The following ARHGEF4 variants were observed in gnomAD, a reference collection of about 807,000 sequenced individuals.
ARHGEF4 encodes the protein APC-stimulated guanine nucleotide exchange factor 1.
Under a neutral mutation model 162.0 loss-of-function variants are expected in ARHGEF4, and 119 were observed. The observed-to-expected ratio is 0.73, with a 90% CI of 0.63 to 0.86. The LOEUF is 0.86. Among genes scored for constraint, ARHGEF4 ranks in the 40% least tolerant of loss-of-function variants. ARHGEF4 has a pLI of 0.00. For missense variants in ARHGEF4, 2,488 were observed against 2,456.0 expected (o/e 1.01, Z -0.28); for synonymous variants, 1,014 against 979.9 (o/e 1.03, Z -0.65).
At chr2:130,869,208 G>A (rs1682510786) in intron 1 of ARHGEF4, among the ~76,000 whole-genome samples, 1 of 152,234 alleles carries the variant, frequency 6.6e-6, no homozygotes, top group Non-Finnish European at 1.5e-5. Context: ...CACAGAGAGA[G>A]TAGGAGGAGT....
intron 1 of ARHGEF4, among the ~76,000 whole-genome samples, chr2:130,884,261 C>T (rs907390556): frequency 6.6e-6 from 1 of 151,850 alleles, no homozygotes; most frequent in African/African-American, 2.4e-5. Context: ...CATGCACACA[C>T]ACGTGCACAC....
intron 4 of ARHGEF4, among the ~76,000 whole-genome samples, chr2:130,955,049 C>G (rs1297320549): frequency 6.6e-6 from 1 of 152,062 alleles, no homozygotes; most frequent in Non-Finnish European, 1.5e-5. Context: ...TTTCTTCCAT[C>G]TATTCAAACC....
intron 2 of ARHGEF4, chr2:130,929,617 C>T (rs1682501233): frequency 6.6e-6 from 1 of 152,156 alleles, no homozygotes; most frequent in Non-Finnish European, 1.5e-5. Flanking sequence ...TACTTACCTA[C>T]AAAATAAGCA....
At chr2:130,988,891 T>TAGAG (rs1480358392) in intron 4 of ARHGEF4, among the ~76,000 whole-genome samples, 194 of 116,192 alleles carry the variant, frequency 1.7e-3, no homozygotes, top group Non-Finnish European at 2.2e-3. Flanking sequence ...TATATATATA[T>TAGAG]ATATATATAT....
chr2:130,949,077 G>C (rs955399713), intron 4 of ARHGEF4, among the ~76,000 whole-genome samples: 3 of 152,048 alleles, frequency 2.0e-5, no homozygotes, highest in Non-Finnish European at 4.4e-5. Flanking sequence ...GCCCAGTTCT[G>C]GGAGAATTTC....
intron 5 of ARHGEF4, among the ~76,000 whole-genome samples, chr2:131,029,537 T>C (rs1689696931): frequency 7.5e-6 from 1 of 134,222 alleles, no homozygotes; most frequent in African/African-American, 2.6e-5. Flanking sequence ...TCACAAGGAA[T>C]GGTTGTGCTT....
chr2:131,041,741 T>TG, intron 9 of ARHGEF4, 74 bp from the exon 10 acceptor site: 1 of 1,558,452 alleles, frequency 6.4e-7, no homozygotes, highest in South Asian at 1.2e-5. Context: ...GCTCCACACG[T>TG]GGGGGCTGCA....
intron 13 of ARHGEF4, chr2:131,045,696 G>GT (rs1348574034): frequency 6.9e-7 from 1 of 1,456,804 alleles, no homozygotes; most frequent in Non-Finnish European, 9.1e-7. Context: ...GACAATGCTT[G>GT]TTTCCCCAGG....
intron 4 of ARHGEF4, among the ~76,000 whole-genome samples, chr2:130,954,122 T>G (rs1684124090): frequency 1.3e-5 from 2 of 152,238 alleles, no homozygotes; most frequent in Non-Finnish European, 2.9e-5. Flanking sequence ...ATTGCAGCAC[T>G]GTTCACAATA....
chr2:131,011,084 C>A (rs896896024), intron 4 of ARHGEF4, among the ~76,000 whole-genome samples: 2 of 152,174 alleles, frequency 1.3e-5, no homozygotes, highest in Non-Finnish European at 2.9e-5. Context: ...GCTGGTAAAG[C>A]CTTTCCACAC....
chr2:131,041,752 G>C, intron 9 of ARHGEF4, 63 bp from the exon 10 acceptor site: 2 of 1,580,166 alleles, frequency 1.3e-6, no homozygotes, highest in South Asian at 2.3e-5. Context: ...GGGGGCTGCA[G>C]GGGATCCTCA....
At chr2:130,864,599 C>T (rs1485813332) in intron 1 of ARHGEF4, among the ~76,000 whole-genome samples, 1 of 152,172 alleles carries the variant, frequency 6.6e-6, no homozygotes, top group Non-Finnish European at 1.5e-5. Context: ...TGGTGCACCC[C>T]TGTAATCTCA....
chr2:131,025,255 G>T (rs570382321), intron 4 of ARHGEF4, among the ~76,000 whole-genome samples: 1 of 152,118 alleles, frequency 6.6e-6, no homozygotes, highest in African/African-American at 2.4e-5. Flanking sequence ...GGGAAGTGCT[G>T]CATACTTTTA....
chr2:130,946,087 G>A (rs939708408), intron 3 of ARHGEF4, among the ~76,000 whole-genome samples: 4 of 152,220 alleles, frequency 2.6e-5, no homozygotes, highest in East Asian at 1.9e-4. Context: ...ACTGTCTGAA[G>A]GGCAGTGTCT....
intron 2 of ARHGEF4, among the ~76,000 whole-genome samples, chr2:130,918,162 T>A (rs374682897): frequency 1.3e-5 from 2 of 152,330 alleles, no homozygotes; most frequent in East Asian, 3.9e-4. Context: ...AAAAAATTCC[T>A]CATGTTGTCT....
intron 1 of ARHGEF4, among the ~76,000 whole-genome samples, chr2:130,905,924 G>A (rs1408715312): frequency 6.6e-6 from 1 of 152,114 alleles, no homozygotes; most frequent in African/African-American, 2.4e-5. Flanking sequence ...CAGATAAGGG[G>A]GAACTACTGT....
chr2:131,034,877 G>C, intron 5 of ARHGEF4: 4 of 519,762 alleles, frequency 7.7e-6, no homozygotes, highest in Non-Finnish European at 9.9e-6. Context: ...TCTCCAGCCC[G>C]CCGCCGCCGC....
At position 131,023,080 on chromosome 2, in the gene ARHGEF4, A is replaced by C. The variant is rs1483507948; in HGVS notation, c.3986-4865A>C. On this transcript the variant is annotated intron_variant, in intron 4 of 13. Transcript: ENST00000409359. ...ACATGGTGAAACCCTGTCTCAAAAA[A>C]AAAAAAAAAAAAAAAGAACTTTCAA... is the stretch of plus-strand genomic sequence containing the variant. Among the ~76,000 whole-genome samples, 585 of 149,400 alleles carry C rather than the reference A, an allele frequency of 3.9e-3. 36 individuals carry two copies. The highest frequency in any genetic ancestry group is 0.039 in the East Asian group (198 of 5,102).
At chr2:130,946,067 A>T (rs767947240) in intron 3 of ARHGEF4, among the ~76,000 whole-genome samples, 23 of 152,248 alleles carry the variant, frequency 1.5e-4, no homozygotes, top group Non-Finnish European at 3.4e-4. Context: ...CACAGCCAAC[A>T]GTGGTCCTTA....
Sources: gnomAD v4.1 joint callset for allele counts (sites outside exome capture counted in the v4.1 genomes callset) on GRCh38, gnomAD v4.1.1 for gene constraint, MANE v1.5 for transcripts, NCBI Gene and HGNC (gene_info 2026-07-23, HGNC 2026-07-21) for gene names.